Variants in IL23R observed in about 807,000 individuals in gnomAD.
The protein encoded by IL23R is interleukin-23 receptor.
IL23R carries 34 observed loss-of-function variants against 56.9 expected under a neutral mutation model. The observed-to-expected ratio is 0.60, with a 90% confidence interval of 0.45 to 0.80. The LOEUF is 0.80. IL23R is among the 30% of genes least tolerant of loss of function. IL23R has a pLI of 0.00. For missense variants in IL23R, 635 were observed against 730.0 expected (o/e 0.87, Z 1.50); for synonymous variants, 230 against 249.2 (o/e 0.92, Z 0.73).
At chr1:67,251,963 G>A (rs371037753) in intron 9 of IL23R, among the ~76,000 whole-genome samples, 3 of 152,166 alleles carry the variant, frequency 2.0e-5, no homozygotes, top group South Asian at 2.1e-4. Context: ...GTACCACCAC[G>A]TGGTTACAAA....
intron 9 of IL23R, among the ~76,000 whole-genome samples, chr1:67,246,754 T>C (rs12084466): frequency 0.084 from 12,772 of 152,144 alleles, 644 homozygotes; most frequent in Non-Finnish European, 0.11. Flanking sequence ...TTTTAGAGTA[T>C]GTGTGATGTA....
rs1282416775 is a variant in IL23R at position 67,147,187 on chromosome 1, G to A, written c.-634+8026G>A. 2.0e-5 allele frequency among the ~76,000 whole-genome samples: 3 copies of A among 152,252 alleles called. No individual in the cohort carries two copies. In the South Asian group the frequency reaches 6.2e-4, roughly 32 times the overall value. On this transcript the variant is annotated intron_variant, in intron 1 of 10. Transcript: ENST00000637002. ...AGCAGATGAGAGGTGGATGTTGCAAGCAAGAGTGAGTGCTGGTTCTGTCAA... is the reference window on the plus strand; with the variant it reads ...AGCAGATGAGAGGTGGATGTTGCAAACAAGAGTGAGTGCTGGTTCTGTCAA...
chr1:67,247,140 C>CA (rs1558263900), intron 9 of IL23R, among the ~76,000 whole-genome samples: 1 of 148,562 alleles, frequency 6.7e-6, no homozygotes, highest in Admixed American at 6.7e-5. Context: ...GCAACCCCTG[C>CA]TTTTTTTTTT....
intron 4 of IL23R, among the ~76,000 whole-genome samples, chr1:67,196,436 A>C (rs1397385813): frequency 6.6e-6 from 1 of 152,158 alleles, no homozygotes; most frequent in Non-Finnish European, 1.5e-5. Flanking sequence ...GCTACTCAGG[A>C]GGCTGAGGTG....
intron 2 of IL23R, among the ~76,000 whole-genome samples, chr1:67,169,028 C>T (rs1225791066): frequency 6.6e-6 from 1 of 151,214 alleles, no homozygotes; most frequent in East Asian, 2.0e-4. Context: ...GTAATCCCAG[C>T]TACTCAGGAG....
chr1:67,164,362 G>T (rs564422006), upstream of IL23R, among the ~76,000 whole-genome samples: 5 of 152,270 alleles, frequency 3.3e-5, no homozygotes, highest in Non-Finnish European at 5.9e-5. Flanking sequence ...ACCGGGTGAG[G>T]CGTCTCACGC....
intron 6 of IL23R, 152 bp from the exon 7 acceptor site, chr1:67,219,422 A>T: frequency 2.9e-6 from 2 of 684,178 alleles, no homozygotes; most frequent in Non-Finnish European, 5.0e-6. Context: ...GTATTTGATT[A>T]TGTACGGCCA....
chr1:67,196,791 C>T (rs1006549458), intron 4 of IL23R, among the ~76,000 whole-genome samples: 20 of 152,194 alleles, frequency 1.3e-4, no homozygotes, highest in Admixed American at 1.3e-3. Flanking sequence ...AAATGCTTAA[C>T]CTTCTTTAGT....
At chr1:67,206,787 C>T (rs1442501568) in intron 5 of IL23R, 123 bp from the exon 6 acceptor site, 2 of 1,070,476 alleles carry the variant, frequency 1.9e-6, no homozygotes, top group Non-Finnish European at 2.7e-6. Flanking sequence ...GTTCATTAGA[C>T]CATGAATTTT....
chr1:67,165,478 C>A (rs888030968), upstream of IL23R, among the ~76,000 whole-genome samples: 2 of 152,176 alleles, frequency 1.3e-5, no homozygotes, highest in African/African-American at 2.4e-5. Flanking sequence ...ATAGTCCCCC[C>A]ACAGAATGAA....
intron 5 of IL23R, among the ~76,000 whole-genome samples, chr1:67,204,098 C>G (rs147074474): frequency 0.032 from 4,806 of 152,208 alleles, 101 homozygotes; most frequent in African/African-American, 0.056. Context: ...GAGTCTCGCT[C>G]TGTCGCCCAG....
intron 7 of IL23R, among the ~76,000 whole-genome samples, chr1:67,230,272 T>C (rs977893709): frequency 1.3e-5 from 2 of 152,224 alleles, no homozygotes; most frequent in African/African-American, 4.8e-5. Context: ...CCCTACTGCC[T>C]CTCAGCTTTT....
intron 4 of IL23R, among the ~76,000 whole-genome samples, chr1:67,200,196 C>T (rs1053949902): frequency 1.3e-5 from 2 of 151,904 alleles, no homozygotes; most frequent in Non-Finnish European, 2.9e-5. Context: ...CCTGCCACCA[C>T]GCCCGGCTAA....
intron 9 of IL23R, among the ~76,000 whole-genome samples, chr1:67,241,843 A>C (rs1409164018): frequency 2.0e-5 from 3 of 152,220 alleles, no homozygotes; most frequent in Admixed American, 2.0e-4. Flanking sequence ...TAAAAATCAA[A>C]TAGATCAAAG....
At position 67,228,288 on chromosome 1, in the gene IL23R, A is replaced by G. The variant is rs181050276; in HGVS notation, c.956-8425A>G. Among the ~76,000 whole-genome samples, 6 of 148,952 alleles carry G rather than the reference A, an allele frequency of 4.0e-5. No homozygotes were observed. The Admixed American group carries it at 4.1e-4, about 10-fold the overall frequency. ...AGCTCATAAGATCTGGGCTCAAACA[A>G]TCCTCTCACCTTGGCCTTTCAAGTA... On this transcript the variant is annotated intron_variant, in intron 7 of 10. Transcript: ENST00000347310.
At chr1:67,234,864 T>C (rs1651364675) in intron 7 of IL23R, among the ~76,000 whole-genome samples, 2 of 151,974 alleles carry the variant, frequency 1.3e-5, no homozygotes, top group South Asian at 4.1e-4. Context: ...CCTGCCACCA[T>C]GCCTGGCTAA....
intron 9 of IL23R, 135 bp from the exon 10 acceptor site, chr1:67,255,702 G>C (rs906165271): frequency 2.9e-5 from 17 of 579,084 alleles, no homozygotes; most frequent in Non-Finnish European, 5.5e-5. Flanking sequence ...GCCTCCCAAA[G>C]TGCTGGGATT....
intron 6 of IL23R, among the ~76,000 whole-genome samples, chr1:67,213,362 G>T (rs1003714087): frequency 6.6e-6 from 1 of 152,168 alleles, no homozygotes; most frequent in African/African-American, 2.4e-5. Context: ...GCCTCTAGGG[G>T]AGCCATGCAG....
At chr1:67,250,241 AT>A (rs1652523454) in intron 9 of IL23R, among the ~76,000 whole-genome samples, 1 of 152,154 alleles carries the variant, frequency 6.6e-6, no homozygotes, top group Non-Finnish European at 1.5e-5. Context: ...TGGTGCCTAA[AT>A]TTCCTTTCAT....
Sources: gnomAD v4.1 joint callset for allele counts (sites outside exome capture counted in the v4.1 genomes callset) on GRCh38, gnomAD v4.1.1 for gene constraint, MANE v1.5 for transcripts, NCBI Gene and HGNC (gene_info 2026-07-23, HGNC 2026-07-21) for gene names.